The following WWOX variants were observed in gnomAD, a reference collection of about 807,000 sequenced individuals.
WWOX encodes WW domain-containing oxidoreductase.
A neutral mutation model predicts 46.2 loss-of-function variants in WWOX; 69 were observed. That is an observed-to-expected ratio of 1.49 (90% CI 1.23 to 1.82). WWOX has a LOEUF of 1.82. Ranked by LOEUF, WWOX falls within the 40% of genes most tolerant of loss-of-function variation. The pLI is 0.00. For synonymous variants in WWOX, 359 were observed against 202.6 expected, an observed-to-expected ratio of 1.77 and a Z score of -6.56; for missense variants, 919 against 542.6, an observed-to-expected ratio of 1.69 and a Z score of -6.89.
intron 8 of WWOX, among the ~76,000 whole-genome samples, chr16:79,001,688 T>G (rs2151363194): frequency 6.7e-6 from 1 of 148,942 alleles, no homozygotes; most frequent in African/African-American, 2.5e-5. Flanking sequence ...GATTTCAAAT[T>G]GAGCTAGACC....
chr16:78,297,576 T>A (rs1004754564), intron 5 of WWOX, among the ~76,000 whole-genome samples: 2 of 152,200 alleles, frequency 1.3e-5, no homozygotes, highest in African/African-American at 4.8e-5. Flanking sequence ...ATGGACTGAA[T>A]AAATGTTTAT....
chr16:78,557,865 T>G (rs1429245113), intron 8 of WWOX, among the ~76,000 whole-genome samples: 1 of 151,720 alleles, frequency 6.6e-6, no homozygotes, highest in Non-Finnish European at 1.5e-5. Flanking sequence ...CCAGCTAATT[T>G]TTGTATTTTT....
intron 8 of WWOX, among the ~76,000 whole-genome samples, chr16:78,785,902 T>C (rs8056325): frequency 0.72 from 109,820 of 152,104 alleles, 39,920 homozygotes; most frequent in African/African-American, 0.79. Context: ...TTAATATTTC[T>C]TTTTTATTTT....
At chr16:79,183,844 C>G (rs995049249) in intron 8 of WWOX, among the ~76,000 whole-genome samples, 1 of 152,184 alleles carries the variant, frequency 6.6e-6, no homozygotes, top group Non-Finnish European at 1.5e-5. Context: ...GTATTCTTAT[C>G]TCTGCATCAC....
intron 5 of WWOX, among the ~76,000 whole-genome samples, chr16:78,379,546 T>C (rs939729699): frequency 6.6e-6 from 1 of 152,188 alleles, no homozygotes; most frequent in African/African-American, 2.4e-5. Context: ...TTTGTGCTGC[T>C]AGATTTGCCA....
intron 8 of WWOX, among the ~76,000 whole-genome samples, chr16:78,537,709 C>T (rs1037141251): frequency 6.6e-6 from 1 of 151,980 alleles, no homozygotes; most frequent in Non-Finnish European, 1.5e-5. Context: ...TGCCACAGTT[C>T]ATGTAGGGGT....
intron 8 of WWOX, among the ~76,000 whole-genome samples, chr16:78,612,373 C>T (rs560590295): frequency 4.6e-5 from 7 of 152,342 alleles, no homozygotes; most frequent in Admixed American, 2.6e-4. Context: ...AAGGAGGGCC[C>T]ATCTCTTACG....
chr16:78,846,740 C>T (rs1384766451), intron 8 of WWOX, among the ~76,000 whole-genome samples: 3 of 151,904 alleles, frequency 2.0e-5, no homozygotes, highest in Non-Finnish European at 4.4e-5. Flanking sequence ...TACTTTGGGA[C>T]TACTTCTCAA....
chr16:78,435,558 G>A lies in WWOX; in HGVS notation c.1056+2806G>A, dbSNP rs115432652. Among the ~76,000 whole-genome samples the A allele has an allele frequency of 4.1e-3, 620 of 152,288 alleles. 8 individuals carry two copies. The highest frequency in any genetic ancestry group is 0.014 in the African/African-American group (571 of 41,570). Reference sequence around the variant, plus strand: ...TCATGAGAGGGTTTGGAGAAAAGTGGTGACATCGCAAAAATCCCAGGTTTT... The same window carrying A: ...TCATGAGAGGGTTTGGAGAAAAGTGATGACATCGCAAAAATCCCAGGTTTT... On this transcript the variant is annotated intron_variant, in intron 8 of 8. Transcript: ENST00000566780.
chr16:78,443,404 C>T (rs1567576516), intron 8 of WWOX, among the ~76,000 whole-genome samples: 1 of 152,122 alleles, frequency 6.6e-6, no homozygotes, highest in African/African-American at 2.4e-5. Context: ...TTCCACAGTG[C>T]AGATTTTAAG....
At chr16:79,034,459 T>G (rs1315350901) in intron 8 of WWOX, among the ~76,000 whole-genome samples, 2 of 152,220 alleles carry the variant, frequency 1.3e-5, no homozygotes, top group Non-Finnish European at 2.9e-5. Flanking sequence ...TCAATTTTCT[T>G]AAACAGCTGC....
intron 5 of WWOX, among the ~76,000 whole-genome samples, chr16:78,231,438 G>A (rs1567443962): frequency 6.6e-6 from 1 of 152,172 alleles, no homozygotes; most frequent in African/African-American, 2.4e-5. Flanking sequence ...TGAGGGCATT[G>A]GAAATCCGCT....
intron 8 of WWOX, among the ~76,000 whole-genome samples, chr16:78,828,565 C>A (rs987513485): frequency 2.6e-5 from 4 of 151,616 alleles, no homozygotes. Flanking sequence ...ATAACTATAT[C>A]ATTTATTAAG....
chr16:78,367,882 G>A (rs951265532), intron 5 of WWOX, among the ~76,000 whole-genome samples: 2 of 152,116 alleles, frequency 1.3e-5, no homozygotes, highest in South Asian at 2.1e-4. Flanking sequence ...TCAGCCTCCT[G>A]AGTAGCTGTG....
At chr16:78,732,903 C>T (rs186273031) in intron 8 of WWOX, among the ~76,000 whole-genome samples, 4 of 152,244 alleles carry the variant, frequency 2.6e-5, no homozygotes, top group Admixed American at 1.3e-4. Flanking sequence ...CGCTGTGTTT[C>T]GCAAGAGTAA....
intron 8 of WWOX, among the ~76,000 whole-genome samples, chr16:79,154,691 A>G (rs1384318204): frequency 6.6e-6 from 1 of 152,208 alleles, no homozygotes; most frequent in East Asian, 1.9e-4. Flanking sequence ...CGTTTGGTAA[A>G]CTGTTAATCA....
intron 4 of WWOX, among the ~76,000 whole-genome samples, chr16:78,134,938 G>A (rs557833536): frequency 6.6e-6 from 1 of 152,302 alleles, no homozygotes; most frequent in South Asian, 2.1e-4. Context: ...GAAGCCTGGG[G>A]ACATTTCTGG....
chr16:78,590,281 T>A (rs1393382768), intron 8 of WWOX, among the ~76,000 whole-genome samples: 1 of 152,194 alleles, frequency 6.6e-6, no homozygotes, highest in East Asian at 1.9e-4. Flanking sequence ...AGGGCTGCTT[T>A]CTATCCTTCA....
intron 8 of WWOX, among the ~76,000 whole-genome samples, chr16:78,914,399 A>T (rs973797654): frequency 1.3e-5 from 2 of 152,076 alleles, no homozygotes; most frequent in African/African-American, 2.4e-5. Context: ...TGAGTGAATG[A>T]GGGAGTGAAT....
Sources: gnomAD v4.1 joint callset for allele counts (sites outside exome capture counted in the v4.1 genomes callset) on GRCh38, gnomAD v4.1.1 for gene constraint, MANE v1.5 for transcripts, NCBI Gene and HGNC (gene_info 2026-07-23, HGNC 2026-07-21) for gene names.